Variants in IL1RAPL1 observed in about 807,000 individuals in gnomAD.
The protein encoded by IL1RAPL1 is interleukin-1 receptor accessory protein-like 1.
A neutral mutation model predicts 48.4 loss-of-function variants in IL1RAPL1; 3 were observed. The observed-to-expected ratio is 0.06, with a 90% confidence interval of 0.03 to 0.16. The LOEUF (loss-of-function observed/expected upper bound fraction) is 0.16, where lower values mean the gene tolerates loss of function less well. IL1RAPL1 is among the 10% of genes least tolerant of loss of function. The probability of loss-of-function intolerance (pLI) is 1.00; values close to 1 mark genes in which losing one functional copy is unlikely to be tolerated. For synonymous variants in IL1RAPL1, 185 were observed against 187.7 expected, an observed-to-expected ratio of 0.99 and a Z score of 0.12; for missense variants, 349 against 530.6, an observed-to-expected ratio of 0.66 and a Z score of 3.36.
intron 5 of IL1RAPL1, among the ~76,000 whole-genome samples, chrX:29,497,269 A>AT: frequency 9.0e-6 from 1 of 111,162 alleles, no homozygotes; most frequent in East Asian, 2.8e-4. Context: ...GTCCTCTATA[A>AT]TTTTTTTCAG....
chrX:29,504,506 G>A (rs1022969048), intron 5 of IL1RAPL1, among the ~76,000 whole-genome samples: 6 of 111,512 alleles, frequency 5.4e-5, no homozygotes, highest in Admixed American at 9.5e-5. Flanking sequence ...TTATATACTT[G>A]GGAGCTCTGG....
At chrX:29,712,991 AT>A (rs1213829469) in intron 6 of IL1RAPL1, among the ~76,000 whole-genome samples, 1 of 112,038 alleles carries the variant, frequency 8.9e-6, no homozygotes, top group Non-Finnish European at 1.9e-5. Flanking sequence ...TTTCAAACAA[AT>A]TTTTTTAGCC....
chrX:29,930,780 A>T (rs1459941045), intron 8 of IL1RAPL1, among the ~76,000 whole-genome samples: 1 of 111,718 alleles, frequency 9.0e-6, no homozygotes, highest in Non-Finnish European at 1.9e-5. Flanking sequence ...TATTTGCTTG[A>T]ATATGTACTC....
At chrX:29,401,700 T>A (rs1933994787) in intron 5 of IL1RAPL1, among the ~76,000 whole-genome samples, 1 of 108,261 alleles carries the variant, frequency 9.2e-6, no homozygotes, top group African/African-American at 3.4e-5. Flanking sequence ...AAAAGAGGAA[T>A]CCTATACGTA....
rs748285784 is a variant in IL1RAPL1 at position 29,814,882 on chromosome X, A to T, written c.779-102582A>T. Reference sequence around the variant, plus strand: ...TTTTGTCGACTTTGTTGAAGATCAGATGGTTGTAGGGTGTGTGGCTTTATT... The same window carrying T: ...TTTTGTCGACTTTGTTGAAGATCAGTTGGTTGTAGGGTGTGTGGCTTTATT... On this transcript the variant is annotated intron_variant, in intron 6 of 10. Transcript: ENST00000378993. Among the ~76,000 whole-genome samples, 6 of 110,823 alleles carry T rather than the reference A, an allele frequency of 5.4e-5. No homozygotes were observed. In the East Asian group the frequency reaches 1.4e-3, roughly 26 times the overall value.
chrX:29,273,777 C>T (rs766759894), intron 2 of IL1RAPL1, among the ~76,000 whole-genome samples: 4 of 104,618 alleles, frequency 3.8e-5, no homozygotes, highest in Non-Finnish European at 7.8e-5. Flanking sequence ...AGATTCACAC[C>T]GGTGGTGGCA....
intron 5 of IL1RAPL1, among the ~76,000 whole-genome samples, chrX:29,616,341 T>C (rs1602328164): frequency 9.2e-6 from 1 of 108,150 alleles, no homozygotes; most frequent in Non-Finnish European, 1.9e-5. Flanking sequence ...TTTTTTATTA[T>C]ATTATACTTT....
chrX:29,545,761 TTATA>T (rs1316715810), intron 5 of IL1RAPL1, among the ~76,000 whole-genome samples: 2 of 112,295 alleles, frequency 1.8e-5, no homozygotes, highest in African/African-American at 6.5e-5. Context: ...TTTCCATTAT[TTATA>T]ATTATGAATA....
chrX:29,032,943 A>T (rs1349874092), intron 2 of IL1RAPL1, among the ~76,000 whole-genome samples: 3 of 112,767 alleles, frequency 2.7e-5, no homozygotes, highest in Non-Finnish European at 3.7e-5. Context: ...AAAATGTGAG[A>T]TGCTTATTAT....
At chrX:28,795,989 A>T (rs776014257) in intron 2 of IL1RAPL1, among the ~76,000 whole-genome samples, 86 of 111,815 alleles carry the variant, frequency 7.7e-4, no homozygotes, top group Non-Finnish European at 1.3e-3. Context: ...GAAGCCTCAC[A>T]ATCATGGCGG....
At chrX:28,724,802 T>G (rs1351838740) in intron 1 of IL1RAPL1, among the ~76,000 whole-genome samples, 1 of 111,104 alleles carries the variant, frequency 9.0e-6, no homozygotes, top group Non-Finnish European at 1.9e-5. Context: ...AATGACTGAT[T>G]GTTAGAGACT....
intron 2 of IL1RAPL1, among the ~76,000 whole-genome samples, chrX:29,096,114 A>G (rs1011470204): frequency 9.0e-6 from 1 of 111,569 alleles, no homozygotes; most frequent in African/African-American, 3.2e-5. Flanking sequence ...AGTCAAGTCT[A>G]TTTCAAGTTA....
intron 2 of IL1RAPL1, among the ~76,000 whole-genome samples, chrX:29,120,878 G>A (rs759284665): frequency 9.0e-6 from 1 of 111,595 alleles, no homozygotes; most frequent in Non-Finnish European, 1.9e-5. Context: ...TGTATAAATA[G>A]CATCATGCAT....
At chrX:29,720,004 C>G (rs756885258) in intron 6 of IL1RAPL1, among the ~76,000 whole-genome samples, 14 of 111,814 alleles carry the variant, frequency 1.3e-4, no homozygotes, top group Non-Finnish European at 2.4e-4. Context: ...AAAGCACAGT[C>G]AACCGCTTCA....
At chrX:29,890,783 C>A (rs1366651173) in intron 6 of IL1RAPL1, among the ~76,000 whole-genome samples, 1 of 111,927 alleles carries the variant, frequency 8.9e-6, no homozygotes, top group Non-Finnish European at 1.9e-5. Flanking sequence ...CACACTCTCA[C>A]GGCATCTGGG....
intron 5 of IL1RAPL1, among the ~76,000 whole-genome samples, chrX:29,486,628 AAAAAAAAAAG>A (rs1935099303): frequency 9.6e-6 from 1 of 104,052 alleles, no homozygotes; most frequent in Non-Finnish European, 2.0e-5. Flanking sequence ...AAAAAAAAAA[AAAAAAAAAAG>A]CTCGTGGTCT....
At chrX:28,851,910 T>C (rs1921672018) in intron 2 of IL1RAPL1, among the ~76,000 whole-genome samples, 1 of 112,515 alleles carries the variant, frequency 8.9e-6, no homozygotes, top group South Asian at 3.6e-4. Flanking sequence ...TCATATCTCA[T>C]GCATTGAAGA....
intron 8 of IL1RAPL1, among the ~76,000 whole-genome samples, chrX:29,929,795 T>C (rs758252556): frequency 9.0e-6 from 1 of 111,633 alleles, no homozygotes; most frequent in East Asian, 2.8e-4. Flanking sequence ...TGATGTAAAA[T>C]GAATTTGACT....
At chrX:29,091,383 T>G (rs1469202650) in intron 2 of IL1RAPL1, among the ~76,000 whole-genome samples, 2 of 111,810 alleles carry the variant, frequency 1.8e-5, no homozygotes, top group African/African-American at 3.2e-5. Context: ...TAGTCTCCCC[T>G]GCTCTGCTAA....
Sources: allele counts gnomAD v4.1 joint callset (sites outside exome capture counted in the v4.1 genomes callset), GRCh38; gene constraint gnomAD v4.1.1; transcripts MANE v1.5; gene names NCBI Gene and HGNC (gene_info 2026-07-23, HGNC 2026-07-21).